Variants in MLLT3 observed in about 807,000 individuals in gnomAD.
The protein encoded by MLLT3 is MLLT3 super elongation complex subunit.
Under a neutral mutation model 53.2 loss-of-function variants are expected in MLLT3, and 4 were observed. The observed-to-expected ratio is 0.08, with a 90% confidence interval of 0.04 to 0.17. The LOEUF is 0.17. MLLT3 is among the 10% of genes least tolerant of loss of function. The pLI is 1.00. For missense variants in MLLT3, 569 were observed against 684.0 expected (o/e 0.83, Z 1.87); for synonymous variants, 283 against 230.6 (o/e 1.23, Z -2.06).
chr9:20,553,242 G>C (rs1265436705), intron 2 of MLLT3, among the ~76,000 whole-genome samples: 1 of 152,154 alleles, frequency 6.6e-6, no homozygotes, highest in Non-Finnish European at 1.5e-5. Flanking sequence ...TGTAACTGTA[G>C]AAAACAGTTT....
At chr9:20,507,281 T>C (rs544140146) in intron 2 of MLLT3, among the ~76,000 whole-genome samples, 1 of 152,312 alleles carries the variant, frequency 6.6e-6, no homozygotes, top group Non-Finnish European at 1.5e-5. Flanking sequence ...ATCTGTTAAT[T>C]GAGCATCTTT....
At chr9:20,524,236 G>A (rs796191633) in intron 2 of MLLT3, among the ~76,000 whole-genome samples, 9 of 151,988 alleles carry the variant, frequency 5.9e-5, no homozygotes, top group African/African-American at 2.2e-4. Flanking sequence ...GGTTACATAG[G>A]AAATCTCTGT....
chr9:20,541,246 T>C (rs969208430), intron 2 of MLLT3, among the ~76,000 whole-genome samples: 1 of 152,192 alleles, frequency 6.6e-6, no homozygotes, highest in African/African-American at 2.4e-5. Flanking sequence ...CATCTTCCTG[T>C]ATTCTTCTGA....
intron 5 of MLLT3, among the ~76,000 whole-genome samples, chr9:20,382,793 G>A (rs1050579328): frequency 2.9e-4 from 44 of 151,872 alleles, no homozygotes; most frequent in African/African-American, 9.7e-4. Context: ...AAGTCAGTTT[G>A]ACATCAACTT....
At chr9:20,572,917 C>T (rs895739501) in intron 2 of MLLT3, among the ~76,000 whole-genome samples, 2 of 152,008 alleles carry the variant, frequency 1.3e-5, no homozygotes, top group African/African-American at 4.8e-5. Context: ...ATTAGAAAAC[C>T]TCTCCTTGCT....
At chr9:20,402,033 T>C (rs553062167) in intron 5 of MLLT3, among the ~76,000 whole-genome samples, 2 of 152,256 alleles carry the variant, frequency 1.3e-5, no homozygotes, top group African/African-American at 2.4e-5. Flanking sequence ...ACCGACTATA[T>C]AATAGAAAAG....
intron 5 of MLLT3, among the ~76,000 whole-genome samples, chr9:20,377,095 G>C (rs1821786715): frequency 6.6e-6 from 1 of 152,100 alleles, no homozygotes; most frequent in Non-Finnish European, 1.5e-5. Flanking sequence ...ACAAGTGAGA[G>C]GGCTCAGAGC....
In MLLT3 at chr9:20,448,060, G is replaced by GTTT; in HGVS notation, c.420+60_420+62dup. ...TAACACATGAGGAACTAGTTTGTTT[G>GTTT]TTTTTTTTTTTGTTGTTGTTGTTTT... On this transcript the variant is annotated intron_variant, in intron 4 of 10. Transcript: ENST00000380338. The surrounding 1 kb of genome is among the most constrained non-coding windows in gnomAD (Gnocchi z 4.0). The GTTT allele has an allele frequency of 1.2e-5, 15 of 1,204,800 alleles. No individual in the cohort carries two copies. Among genetic ancestry groups the GTTT allele is most frequent in the South Asian group, 3.1e-5 (2 of 63,978 alleles). 74.6% of individuals were successfully genotyped at this position (1,204,800 alleles called of 1,614,324 possible).
At chr9:20,393,715 G>A (rs1449832557) in intron 5 of MLLT3, among the ~76,000 whole-genome samples, 1 of 152,132 alleles carries the variant, frequency 6.6e-6, no homozygotes, top group African/African-American at 2.4e-5. Flanking sequence ...GTTGACAGAG[G>A]AGAAAAGTCA....
intron 2 of MLLT3, among the ~76,000 whole-genome samples, chr9:20,559,592 T>C (rs891467871): frequency 1.3e-5 from 2 of 152,234 alleles, no homozygotes; most frequent in African/African-American, 4.8e-5. Flanking sequence ...GGCAGAGGCA[T>C]GGTGACCAAT....
chr9:20,416,414 C>T (rs539452952), intron 4 of MLLT3, among the ~76,000 whole-genome samples: 1 of 152,030 alleles, frequency 6.6e-6, no homozygotes, highest in East Asian at 1.9e-4. Flanking sequence ...TAAAAAACAG[C>T]AACACTCCAG....
chr9:20,407,989 G>C (rs539809734), intron 5 of MLLT3, among the ~76,000 whole-genome samples: 1 of 152,214 alleles, frequency 6.6e-6, no homozygotes, highest in South Asian at 2.1e-4. Flanking sequence ...CAAATGCATA[G>C]GTCATAAAGC....
chr9:20,587,438 G>A (rs1226613433), intron 2 of MLLT3, among the ~76,000 whole-genome samples: 1 of 152,032 alleles, frequency 6.6e-6, no homozygotes, highest in Non-Finnish European at 1.5e-5. Flanking sequence ...GCATAAGAGA[G>A]CCAAAACTCA....
chr9:20,359,349 A>C (rs1821260173), intron 8 of MLLT3, among the ~76,000 whole-genome samples: 1 of 152,160 alleles, frequency 6.6e-6, no homozygotes, highest in Admixed American at 6.5e-5. Context: ...GGTGGCAGGC[A>C]TCCACACCAG....
chr9:20,586,443 C>A (rs746888795), intron 2 of MLLT3, among the ~76,000 whole-genome samples: 4 of 151,118 alleles, frequency 2.6e-5, no homozygotes, highest in Non-Finnish European at 5.9e-5. Flanking sequence ...TTGCCCAAAT[C>A]CCAAAAGTGA....
chr9:20,484,869 T>C (rs964246438), intron 2 of MLLT3, among the ~76,000 whole-genome samples: 53 of 152,324 alleles, frequency 3.5e-4, no homozygotes, highest in African/African-American at 1.2e-3. Flanking sequence ...TAACCACATT[T>C]TGAACGCAGT....
chr9:20,456,808 T>C lies in MLLT3; in HGVS notation c.194-22A>G, dbSNP rs560821930. On this transcript the variant is annotated intron_variant, in intron 2 of 10. Transcript: ENST00000380338. ...CACACTGCAACATTAAAAAAGAAAATAGGTAAGATGAGAATAATAGACAAA... is the reference window on the plus strand; with the variant it reads ...CACACTGCAACATTAAAAAAGAAAACAGGTAAGATGAGAATAATAGACAAA... 2.3e-5 allele frequency: 34 copies of C among 1,489,702 alleles called. No individual in the cohort carries two copies. In the African/African-American group the frequency reaches 2.7e-4, roughly 12 times the overall value. 92.3% of individuals were successfully genotyped at this position (1,489,702 alleles called of 1,614,324 possible).
At chr9:20,516,167 C>A (rs1817912384) in intron 2 of MLLT3, among the ~76,000 whole-genome samples, 1 of 152,202 alleles carries the variant, frequency 6.6e-6, no homozygotes, top group African/African-American at 2.4e-5. Context: ...ACTCACCAAT[C>A]CCACCTGTGA....
intron 2 of MLLT3, among the ~76,000 whole-genome samples, chr9:20,576,901 G>C (rs373557430): frequency 6.6e-6 from 1 of 152,186 alleles, no homozygotes; most frequent in African/African-American, 2.4e-5. Context: ...AGCTAGTCAG[G>C]AAGCTAAGTC....
Sources: gnomAD v4.1 joint callset for allele counts (sites outside exome capture counted in the v4.1 genomes callset) on GRCh38, gnomAD v4.1.1 for gene constraint, Gnocchi (gnomAD v3.1) non-coding constraint, MANE v1.5 for transcripts, NCBI Gene and HGNC (gene_info 2026-07-23, HGNC 2026-07-21) for gene names.